The following FAM120AOS variants were observed in gnomAD, a reference collection of about 807,000 sequenced individuals.
FAM120AOS encodes the protein uncharacterized protein FAM120AOS.
Under a neutral mutation model 20.2 loss-of-function variants are expected in FAM120AOS, and 15 were observed. The observed-to-expected ratio is 0.74, with a 90% confidence interval of 0.50 to 1.15. The LOEUF is 1.15. Among genes scored for constraint, FAM120AOS ranks in the 50% most tolerant of loss-of-function variants. FAM120AOS has a pLI of 0.00. For synonymous variants in FAM120AOS, 154 were observed against 154.0 expected, an observed-to-expected ratio of 1.00 and a Z score of 0.00; for missense variants, 327 against 351.9, an observed-to-expected ratio of 0.93 and a Z score of 0.57.
At chr9:93,449,654 A>C (rs968305774) in intron 2 of FAM120AOS, among the ~76,000 whole-genome samples, 18 of 151,410 alleles carry the variant, frequency 1.2e-4, no homozygotes, top group African/African-American at 4.1e-4. Flanking sequence ...CGCTCGGCTA[A>C]TTTTTGTGTT....
intron 2 of FAM120AOS, among the ~76,000 whole-genome samples, chr9:93,449,009 T>C (rs1856970505): frequency 6.6e-6 from 1 of 152,132 alleles, no homozygotes; most frequent in Non-Finnish European, 1.5e-5. Context: ...TATATAAGTG[T>C]TTGTCAGCTA....
At position 93,452,872 on chromosome 9, in the gene FAM120AOS, A is replaced by T. The variant is rs1292513994; in HGVS notation, c.-163T>A. 1.3e-5 allele frequency: 19 copies of T among 1,459,012 alleles called. No homozygotes were observed. Among genetic ancestry groups the T allele is most frequent in the Non-Finnish European group, 1.6e-5 (18 of 1,114,170 alleles). 90.4% of individuals were successfully genotyped at this position (1,459,012 alleles called of 1,614,324 possible). On this transcript the variant is annotated 5_prime_UTR_variant, in exon 1 of 3. Transcript: ENST00000375412. The surrounding 1 kb of genome is among the most constrained non-coding windows in gnomAD (Gnocchi z 7.0). ...AGAGCCCTTGGGGGCTGCAAATATC[A>T]GTGCTGCTGCCGCCGCCCTTGCCAA...
chr9:93,450,261 T>C (rs1444159284), intron 2 of FAM120AOS, among the ~76,000 whole-genome samples: 1 of 152,206 alleles, frequency 6.6e-6, no homozygotes, highest in Non-Finnish European at 1.5e-5. Context: ...AATGCTGGGA[T>C]TACAGGCGTG....
At chr9:93,451,878 C>T in intron 1 of FAM120AOS, 2 of 1,195,322 alleles carry the variant, frequency 1.7e-6, no homozygotes, top group Middle Eastern at 3.4e-4. Context: ...GCCCCGCCGC[C>T]CCCCGCCCGC....
chr9:93,451,138 A>C (rs1196022812), intron 1 of FAM120AOS: 1 of 1,550,552 alleles, frequency 6.4e-7, no homozygotes, highest in African/African-American at 1.4e-5. Context: ...CCAAGAAGCC[A>C]GGCGCGGCCG....
rs1408300064 is a variant in FAM120AOS at position 93,452,541 on chromosome 9, G to A, written c.169C>T (p.Gln57Ter). 3.8e-6 allele frequency: 6 copies of A among 1,573,222 alleles called. No individual in the cohort carries two copies. Among genetic ancestry groups the A allele is most frequent in the African/African-American group, 1.3e-5 (1 of 74,366 alleles). The stretch of plus-strand genomic sequence containing the variant: ...CGGGATAGCCTGGCCGGGCCGGGCT[G>A]CAAGATGGATGGCCGCGGGTGCAGG... ...RGLHPRPSIL[Q>*]PGPARLSRAR... The change falls in exon 1 of 3, where the codon CAG (glutamine) becomes TAG (stop). Residue 57 changes from glutamine (Q) to a stop codon, truncating the protein, a stop_gained. Coordinates refer to ENST00000375412, the MANE Select transcript of FAM120AOS (RefSeq NM_198841.4). LOFTEE classifies it high-confidence loss of function. This position sits in a 1 kb window ranked among gnomAD's most constrained non-coding sequence, Gnocchi z 7.0.
Position 93,450,504 on chromosome 9 carries a change from T to C in FAM120AOS, c.659A>G (p.Glu220Gly). 1 of 1,588,250 alleles carries C rather than the reference T, an allele frequency of 6.3e-7. No homozygotes were observed. The highest frequency in any genetic ancestry group is 1.2e-5 in the South Asian group (1 of 86,912). The change falls in exon 2 of 3, where the codon GAA becomes GGA. Residue 220 changes from glutamate to glycine, a missense_variant. By Grantham distance (98) the Glu-to-Gly change is moderately conservative. Transcript: ENST00000375412. ...CTTTTTCACCGGGAGTATGGGGGCTTCTTTGGCCAAACCGTGCGCGTGCAG... is the reference window on the plus strand; with the variant it reads ...CTTTTTCACCGGGAGTATGGGGGCTCCTTTGGCCAAACCGTGCGCGTGCAG... Reference protein sequence around the residue: ...WSLHAHGLAKEAPILPVKKIS... With the variant: ...WSLHAHGLAKGAPILPVKKIS...
In FAM120AOS at chr9:93,452,406, G is replaced by C. The variant is rs748960781; in HGVS notation, c.304C>G (p.Arg102Gly). 9.4e-6 allele frequency: 15 copies of C among 1,590,704 alleles called. No homozygotes were observed. The South Asian group carries it at 1.5e-4, about 16-fold the overall frequency. The change falls in exon 1 of 3, where the codon CGG becomes GGG. Residue 102 changes from arginine (R) to glycine (G), a missense_variant. By Grantham distance (125) the Arg-to-Gly change is moderately radical. Around this residue, in one of 3 missense-constraint regions of FAM120AOS, gnomAD observed 86 missense variants for 140.2 expected, o/e 0.61. Transcript: ENST00000375412. The surrounding 1 kb of genome is among the most constrained non-coding windows in gnomAD (Gnocchi z 7.0). ...VRRGPGPRPA[R>G]IPGLTLTWKR... ...CACGTCAAGGTGAGGCCGGGGATCC[G>C]GGCGGGCCGGGGACCGGGGCCGCGC...
chr9:93,451,615 C>G (rs1289900694), intron 1 of FAM120AOS: 1 of 982,292 alleles, frequency 1.0e-6, no homozygotes, highest in East Asian at 1.1e-4. Context: ...GGGCGGCGTC[C>G]GCGCCGGGCG....
At chr9:93,451,603 CT>C in intron 1 of FAM120AOS, 1 of 982,910 alleles carries the variant, frequency 1.0e-6, no homozygotes, top group Non-Finnish European at 1.2e-6. Context: ...GCCGGCGGGC[CT>C]GGGCGGCGTC....
At position 93,452,681 on chromosome 9, in the gene FAM120AOS, T is replaced by A. The variant is rs1857317379; in HGVS notation, c.29A>T (p.Asp10Val). The change falls in exon 1 of 3, where the codon GAT (aspartate) becomes GTT (valine). Residue 10 changes from aspartate to valine, a missense_variant. Asp to Val is a radical substitution (Grantham distance 152). This residue lies in a region of FAM120AOS where 155 missense variants were observed against 128.8 expected (regional missense o/e 1.20). Transcript: ENST00000375412. The surrounding 1 kb of genome is among the most constrained non-coding windows in gnomAD (Gnocchi z 7.0). Reference protein sequence around the residue: MGKTKDIGDDDTVASEFWSG... With the variant: MGKTKDIGDVDTVASEFWSG... Reference sequence around the variant, plus strand: ...CCAGAATTCGGAGGCGACAGTGTCATCATCCCCAATATCCTTAGTTTTTCC... The same window carrying A: ...CCAGAATTCGGAGGCGACAGTGTCAACATCCCCAATATCCTTAGTTTTTCC... The A allele has an allele frequency of 9.4e-6, 15 of 1,598,742 alleles. No homozygotes were observed. Among genetic ancestry groups the A allele is most frequent in the Non-Finnish European group, 1.2e-5 (14 of 1,179,906 alleles).
At position 93,452,398 on chromosome 9, in the gene FAM120AOS, G is replaced by A; in HGVS notation, c.312C>T (p.Pro104=). 2 of 1,599,678 alleles carry A rather than the reference G, an allele frequency of 1.3e-6. No homozygotes were observed. Among genetic ancestry groups the A allele is most frequent in the Non-Finnish European group, 1.7e-6 (2 of 1,174,078 alleles). ...RGPGPRPARI[P]GLTLTWKRMS... ...TCCGCTTCCACGTCAAGGTGAGGCC[G>A]GGGATCCGGGCGGGCCGGGGACCGG... The change falls in exon 1 of 3, where the codon CCC becomes CCT. Residue 104 remains proline, a synonymous_variant. Transcript: ENST00000375412. This position sits in a 1 kb window ranked among gnomAD's most constrained non-coding sequence, Gnocchi z 7.0.
In FAM120AOS at chr9:93,445,643, G is replaced by A. The variant is rs930493573; in HGVS notation, c.*1968C>T. Among the ~76,000 whole-genome samples, 6 of 139,834 alleles carry A rather than the reference G, an allele frequency of 4.3e-5. No individual in the cohort carries two copies. Among genetic ancestry groups the A allele is most frequent in the Non-Finnish European group, 7.5e-5 (5 of 66,398 alleles). The allele number at this position is 139,834 out of a possible 152,430, so 91.7% of individuals were successfully genotyped here. A position where few individuals can be genotyped will look rare whatever the true frequency, so the allele number is the denominator to read the frequency against. ...CTCACTCTGTTGCCCAGGCTGGAGT[G>A]CAAGTGGTGTAATCTGGGCTCACTC... On this transcript the variant is annotated 3_prime_UTR_variant, in exon 3 of 3. Coordinates refer to ENST00000375412, the MANE Select transcript of FAM120AOS (RefSeq NM_198841.4).
rs776645181 is a variant in FAM120AOS, at chr9:93,450,618, T to C, written c.564-19A>G. The C allele has an allele frequency of 4.4e-6, 7 of 1,606,696 alleles. No individual in the cohort carries two copies. Among genetic ancestry groups the C allele is most frequent in the Non-Finnish European group, 5.9e-6 (7 of 1,177,332 alleles). On this transcript the variant is annotated intron_variant, in intron 1 of 2. Coordinates refer to ENST00000375412, the MANE Select transcript of FAM120AOS (RefSeq NM_198841.4). ...GAGGTTTCTCCAAAAAAAGAACAAA[T>C]GGAGAGATGAAGGTAAGTAAAAGCG...
At position 93,452,247 on chromosome 9, in the gene FAM120AOS, G is replaced by A. The variant is rs1857271526; in HGVS notation, c.463C>T (p.Arg155Cys). The A allele has an allele frequency of 6.2e-7, 1 of 1,610,956 alleles. No individual in the cohort carries two copies. Among genetic ancestry groups the A allele is most frequent in the African/African-American group, 1.3e-5 (1 of 74,884 alleles). The change falls in exon 1 of 3, where the codon CGC becomes TGC. Residue 155 changes from arginine to cysteine, a missense_variant. Physicochemically the swap from Arg to Cys is radical, Grantham distance 180. Coordinates refer to ENST00000375412, the MANE Select transcript of FAM120AOS (RefSeq NM_198841.4). This position sits in a 1 kb window ranked among gnomAD's most constrained non-coding sequence, Gnocchi z 7.0. Reference protein sequence around the residue: ...CCAVWRSLPCRLTHSCSRAFS... With the variant: ...CCAVWRSLPCCLTHSCSRAFS... ...GCCCGGCTGCACGAGTGGGTCAAGC[G>A]GCAGGGCAACGAGCGCCAGACGGCA... is the stretch of plus-strand genomic sequence containing the variant.
intron 1 of FAM120AOS, 96 bp from the exon 2 acceptor site, chr9:93,450,695 CATTA>C: frequency 6.5e-7 from 1 of 1,527,928 alleles, no homozygotes; most frequent in Non-Finnish European, 8.9e-7. Context: ...TTCTGAAAGA[CATTA>C]ATCTCTTTTT....
At position 93,452,113 on chromosome 9, in the gene FAM120AOS, C is replaced by T; in HGVS notation, c.563+34G>A. ...ACGGCGGCTTCTACACCGACTGGGT[C>T]AGCGGCGGCCAGTGGAACCACATGC... On this transcript the variant is annotated intron_variant, in intron 1 of 2. Coordinates refer to ENST00000375412, the MANE Select transcript of FAM120AOS (RefSeq NM_198841.4). The surrounding 1 kb of genome is among the most constrained non-coding windows in gnomAD (Gnocchi z 7.0). 6.2e-7 allele frequency: 1 copy of T among 1,610,350 alleles called. No individual in the cohort carries two copies. The highest frequency in any genetic ancestry group is 8.5e-7 in the Non-Finnish European group (1 of 1,179,398).
chr9:93,452,425 G>C lies in FAM120AOS; in HGVS notation c.285C>G (p.Gly95=), dbSNP rs746376434. The C allele has an allele frequency of 2.3e-5, 37 of 1,574,786 alleles. No homozygotes were observed. In the African/African-American group the frequency reaches 4.9e-4, roughly 21 times the overall value. Residue 95 remains glycine (G), a synonymous_variant, in exon 1 of 3, where the codon GGC becomes GGG. Transcript: ENST00000375412. This position sits in a 1 kb window ranked among gnomAD's most constrained non-coding sequence, Gnocchi z 7.0. ...GGATCCGGGCGGGCCGGGGACCGGG[G>C]CCGCGCCGCACCCCTATCCCCCTTC... ...ALGRGIGVRR[G]PGPRPARIPG...
Position 93,452,047 on chromosome 9 carries a change from G to T in FAM120AOS, c.563+100C>A. ...GGCAGCGGCCCCCGCAGACCCCGCT[G>T]CGCCTGCTGGTGGACGCCGACAACT... On this transcript the variant is annotated intron_variant, in intron 1 of 2. Coordinates refer to ENST00000375412, the MANE Select transcript of FAM120AOS (RefSeq NM_198841.4). The surrounding 1 kb of genome is among the most constrained non-coding windows in gnomAD (Gnocchi z 7.0). 1 of 1,579,982 alleles carries T rather than the reference G, an allele frequency of 6.3e-7. No homozygotes were observed.
Sources: gnomAD v4.1 joint callset for allele counts (sites outside exome capture counted in the v4.1 genomes callset) on GRCh38, gnomAD v4.1.1 for gene constraint, gnomAD v4.1.1 regional missense constraint, Gnocchi (gnomAD v3.1) non-coding constraint, MANE v1.5 for transcripts, NCBI Gene and HGNC (gene_info 2026-07-23, HGNC 2026-07-21) for gene names.